The following ZNF561 variants were observed in gnomAD, a reference collection of about 807,000 sequenced individuals.
ZNF561 encodes the protein zinc finger protein 561.
In ZNF561, 16 loss-of-function variants were observed where a neutral mutation model predicts 16.7. That is an observed-to-expected ratio of 0.96 (90% CI 0.65 to 1.45). ZNF561 has a LOEUF of 1.45. Among genes scored for constraint, ZNF561 ranks in the 40% most tolerant of loss-of-function variants. ZNF561 has a pLI of 0.00. For synonymous variants in ZNF561, 190 were observed against 192.1 expected (o/e 0.99, Z 0.09); for missense variants, 580 against 578.0 (o/e 1.00, Z -0.04).
At chr19:9,616,594 T>C (rs967278557) in intron 4 of ZNF561, among the ~76,000 whole-genome samples, 4 of 151,434 alleles carry the variant, frequency 2.6e-5, no homozygotes, top group Non-Finnish European at 5.9e-5. Flanking sequence ...TCTTCATTTT[T>C]AGGATTTTTT....
In ZNF561 at chr19:9,610,382, C is replaced by T; in HGVS notation, c.1279G>A (p.Gly427Arg). Residue 427 changes from glycine to arginine, a missense_variant, in exon 6 of 6, where the codon GGG (glycine) becomes AGG (arginine). Physicochemically the swap from Gly to Arg is moderately radical, Grantham distance 125 (BLOSUM62 -2). Coordinates refer to ENST00000302851, the MANE Select transcript of ZNF561 (RefSeq NM_152289.3). ...CGTGAGGAATATAGAAATGCTTTCC[C>T]ACATATCTTGCATACAAAGGGCTTT... ...GEKPFVCKIC[G>R]KAFLYSSRLN... 6.2e-7 allele frequency: 1 copy of T among 1,613,998 alleles called. No homozygotes were observed.
rs1413837246 is a variant in ZNF561, at chr19:9,611,055, A to G, written c.606T>C (p.Cys202=). The G allele has an allele frequency of 6.2e-7, 1 of 1,614,128 alleles. No individual in the cohort carries two copies. The highest frequency in any genetic ancestry group is 2.2e-5 in the East Asian group (1 of 44,864). ...TTGCAAAATACTTAAAGCCTTTTCC[A>G]CATTCCTTACATTTGTAGGGTTGTC... is the stretch of plus-strand genomic sequence containing the variant. ...NARQPYKCKE[C]GKGFKYFASL... The change falls in exon 6 of 6, where the codon TGT becomes TGC. Residue 202 remains cysteine (C), a synonymous_variant. Coordinates refer to ENST00000302851, the MANE Select transcript of ZNF561 (RefSeq NM_152289.3).
At chr19:9,619,607 CA>C (rs2144908216) in intron 1 of ZNF561, 25 bp from the exon 2 acceptor site, 1 of 604,558 alleles carries the variant, frequency 1.7e-6, no homozygotes, top group African/African-American at 1.9e-5. Context: ...CATCAAACAA[CA>C]AGCATGAAAC....
At chr19:9,614,288 A>G in intron 4 of ZNF561, 185 bp from the exon 5 acceptor site, 1 of 628,506 alleles carries the variant, frequency 1.6e-6, no homozygotes, top group South Asian at 2.0e-5. Flanking sequence ...TGATGTGTTT[A>G]GATAGTTTAT....
At position 9,614,074 on chromosome 19, in the gene ZNF561, A is replaced by G. The variant is rs1170867134; in HGVS notation, c.271T>C (p.Ser91Pro). ...EWEIQPRTKR[S>P]SLQQGFLKNQ... ...TTCAAAAAACCCTGCTGAAGTGATG[A>G]CCGTTTGGTTCTAGGTTGTATTTCC... The change falls in exon 5 of 6, where the codon TCA becomes CCA. Residue 91 changes from serine to proline, a missense_variant. By Grantham distance (74) the Ser-to-Pro change is moderately conservative. Transcript: ENST00000302851. 1.2e-6 allele frequency: 2 copies of G among 1,614,000 alleles called. No homozygotes were observed. The highest frequency in any genetic ancestry group is 1.3e-5 in the African/African-American group (1 of 74,928).
intron 5 of ZNF561, among the ~76,000 whole-genome samples, chr19:9,612,914 G>A (rs2074487192): frequency 1.3e-5 from 2 of 152,144 alleles, no homozygotes; most frequent in South Asian, 4.1e-4. Flanking sequence ...TCCTGCCTCA[G>A]TCCCCCAAGG....
intron 5 of ZNF561, among the ~76,000 whole-genome samples, chr19:9,612,063 G>A (rs2074468949): frequency 6.6e-6 from 1 of 152,120 alleles, no homozygotes; most frequent in Non-Finnish European, 1.5e-5. Flanking sequence ...GAGTAGCTGG[G>A]ATTACAGGCA....
At position 9,608,218 on chromosome 19, in the gene ZNF561, G is replaced by A. The variant is rs1360744290; in HGVS notation, c.*1982C>T. ...ATCGTGAAATGATGTCAAGAGATGG[G>A]TAGGGGGAGGGAGGGGGAGGGAGGG... On this transcript the variant is annotated 3_prime_UTR_variant, in exon 6 of 6. Coordinates refer to ENST00000302851, the MANE Select transcript of ZNF561 (RefSeq NM_152289.3). 6.9e-6 allele frequency: 1 copy of A among 144,246 alleles called. No individual in the cohort carries two copies. Among genetic ancestry groups the A allele is most frequent in the Admixed American group, 6.9e-5 (1 of 14,554 alleles). 8.9% of individuals were successfully genotyped at this position (144,246 alleles called of 1,614,324 possible). A position where few individuals can be genotyped will look rare whatever the true frequency, so the allele number is the denominator to read the frequency against.
chr19:9,619,407 A>C, intron 2 of ZNF561, 25 bp downstream of exon 2: 1 of 1,611,740 alleles, frequency 6.2e-7, no homozygotes, highest in South Asian at 1.1e-5. Flanking sequence ...AGAATCTCTG[A>C]AAAAGAGCAT....
In ZNF561 at chr19:9,613,985, G is replaced by A. The variant is rs762450611; in HGVS notation, c.324+36C>T. On this transcript the variant is annotated intron_variant, in intron 5 of 5. Transcript: ENST00000302851. Reference sequence around the variant, plus strand: ...GAATGGAATTCTCTATCTTTTCTAAGAGAGGAAATTAAGAAATATCCCTCA... The same window carrying A: ...GAATGGAATTCTCTATCTTTTCTAAAAGAGGAAATTAAGAAATATCCCTCA... 3 of 1,603,734 alleles carry A rather than the reference G, an allele frequency of 1.9e-6. No individual in the cohort carries two copies. The South Asian group carries it at 3.3e-5, about 18-fold the overall frequency.
In ZNF561 at chr19:9,608,946, T is replaced by C. The variant is rs1298230965; in HGVS notation, c.*1254A>G. ...CATGAGAAACTGCCCATAAACAAAA[T>C]CTCTGCGGCACTGTGACATGCTCGT... On this transcript the variant is annotated 3_prime_UTR_variant, in exon 6 of 6. Transcript: ENST00000302851. The C allele has an allele frequency of 6.6e-6, 1 of 152,006 alleles. No homozygotes were observed. The highest frequency in any genetic ancestry group is 1.9e-4 in the East Asian group (1 of 5,170). The allele number at this position is 152,006 out of a possible 1,614,324, so 9.4% of individuals were successfully genotyped here. A position where few individuals can be genotyped will look rare whatever the true frequency, so the allele number is the denominator to read the frequency against.
chr19:9,608,872 C>T lies in ZNF561; in HGVS notation c.*1328G>A, dbSNP rs1441433925. 6.6e-6 allele frequency: 1 copy of T among 152,152 alleles called. No homozygotes were observed. Among genetic ancestry groups the T allele is most frequent in the Non-Finnish European group, 1.5e-5 (1 of 68,038 alleles). The allele number at this position is 152,152 out of a possible 1,614,324, so 9.4% of individuals were successfully genotyped here. On this transcript the variant is annotated 3_prime_UTR_variant, in exon 6 of 6. Coordinates refer to ENST00000302851, the MANE Select transcript of ZNF561 (RefSeq NM_152289.3). ...AAGCTTCATTCTTCCTGAGTGCTTA[C>T]AGGAAAATGTGCTCAGAACAGGCCC... is the stretch of plus-strand genomic sequence containing the variant.
chr19:9,619,917 C>T (rs908029499), intron 1 of ZNF561, among the ~76,000 whole-genome samples: 1 of 118,390 alleles, frequency 8.4e-6, no homozygotes, highest in Non-Finnish European at 1.7e-5. Context: ...CTATCTATAT[C>T]TATCCTATCT....
In ZNF561 at chr19:9,608,363, T is replaced by C. The variant is rs1479457837; in HGVS notation, c.*1837A>G. 1.3e-5 allele frequency: 2 copies of C among 152,028 alleles called. No homozygotes were observed. The highest frequency in any genetic ancestry group is 2.9e-5 in the Non-Finnish European group (2 of 68,026). 9.4% of individuals were successfully genotyped at this position (152,028 alleles called of 1,614,324 possible). A position where few individuals can be genotyped will look rare whatever the true frequency, so the allele number is the denominator to read the frequency against. ...CTGTGAAGACATGAGGAAGTGGGCA[T>C]TTACATACCAGGAAGAGAGCTCTCG... On this transcript the variant is annotated 3_prime_UTR_variant, in exon 6 of 6. Transcript: ENST00000302851.
chr19:9,617,689 C>A (rs762928957), intron 3 of ZNF561: 4 of 457,204 alleles, frequency 8.7e-6, no homozygotes, highest in African/African-American at 2.0e-5. Context: ...GATCTCAGCA[C>A]AACCAGGCTA....
In ZNF561 at chr19:9,615,814, G is replaced by A. The variant is rs997484168; in HGVS notation, c.241+1231C>T. 4.6e-5 allele frequency among the ~76,000 whole-genome samples: 7 copies of A among 151,992 alleles called. No homozygotes were observed. In the South Asian group the frequency reaches 1.5e-3, roughly 31 times the overall value. ...CAGGTGTGCCTAATACCAGCAACTT[G>A]GGAAGCTGAAGTTGCAGTGAGCTGA... On this transcript the variant is annotated intron_variant, in intron 4 of 5. Transcript: ENST00000302851.
rs1437190906 is a variant in ZNF561 at position 9,610,119 on chromosome 19, T to A, written c.*81A>T. The A allele has an allele frequency of 7.7e-7, 1 of 1,300,328 alleles. No homozygotes were observed. The highest frequency in any genetic ancestry group is 2.4e-5 in the East Asian group (1 of 41,338). 80.5% of individuals were successfully genotyped at this position (1,300,328 alleles called of 1,614,324 possible). On this transcript the variant is annotated 3_prime_UTR_variant, in exon 6 of 6. Coordinates refer to ENST00000302851, the MANE Select transcript of ZNF561 (RefSeq NM_152289.3). ...GTATCTAAGGCCAATCCATGAGTCA[T>A]TACAACCTCCAAAAGGCATTTAGGA... is the stretch of plus-strand genomic sequence containing the variant.
chr19:9,618,151 A>C lies in ZNF561; in HGVS notation c.54T>G (p.Pro18=). 6.4e-7 allele frequency: 1 copy of C among 1,551,232 alleles called. No individual in the cohort carries two copies. The highest frequency in any genetic ancestry group is 8.7e-7 in the Non-Finnish European group (1 of 1,146,644). The part of the protein sequence containing the change: ...RGFFSREPIC[P]FEEKTKVERM... ...TTTCTACCTTTGTCTTTTCTTCAAA[A>C]GGGCAGATTGGTTCCCTGGAAAAAA... The change falls in exon 3 of 6, where the codon CCT becomes CCG. Residue 18 remains proline, a synonymous_variant. Coordinates refer to ENST00000302851, the MANE Select transcript of ZNF561 (RefSeq NM_152289.3).
At chr19:9,614,586 C>A (rs755764154) in intron 4 of ZNF561, among the ~76,000 whole-genome samples, 21 of 151,868 alleles carry the variant, frequency 1.4e-4, no homozygotes, top group Non-Finnish European at 2.6e-4. Context: ...GCCTGGGTGA[C>A]AGAGCAAGAC....
Sources: allele counts gnomAD v4.1 joint callset (sites outside exome capture counted in the v4.1 genomes callset), GRCh38; gene constraint gnomAD v4.1.1; transcripts MANE v1.5; gene names NCBI Gene and HGNC (gene_info 2026-07-23, HGNC 2026-07-21).